Variants in RNF145 observed in about 807,000 individuals in gnomAD.
RNF145 encodes the protein ring finger protein 145.
Under a neutral mutation model 57.3 loss-of-function variants are expected in RNF145, and 12 were observed. The observed-to-expected ratio is 0.21, with a 90% confidence interval of 0.13 to 0.34. The LOEUF (loss-of-function observed/expected upper bound fraction) is 0.34. RNF145 is among the 10% of genes least tolerant of loss of function. RNF145 has a pLI of 1.00. For synonymous variants in RNF145, 262 were observed against 288.3 expected, an observed-to-expected ratio of 0.91 and a Z score of 0.92; for missense variants, 429 against 799.0, an observed-to-expected ratio of 0.54 and a Z score of 5.58.
chr5:159,168,174 A>G (rs1386444262), intron 8 of RNF145, among the ~76,000 whole-genome samples: 1 of 152,214 alleles, frequency 6.6e-6, no homozygotes, highest in Non-Finnish European at 1.5e-5. Context: ...TACCTCAATT[A>G]TCCTGATTTA....
At chr5:159,169,511 T>C (rs1406122494) in intron 7 of RNF145, among the ~76,000 whole-genome samples, 168 bp downstream of exon 7, 2 of 152,210 alleles carry the variant, frequency 1.3e-5, no homozygotes, top group Non-Finnish European at 2.9e-5. Context: ...ATCTTTAACA[T>C]GGAAATGTAT....
chr5:159,203,139 G>A (rs559477099), intron 2 of RNF145, among the ~76,000 whole-genome samples: 7 of 152,200 alleles, frequency 4.6e-5, no homozygotes, highest in African/African-American at 1.7e-4. Context: ...GGGGCCAAAT[G>A]TCTCTAAAAG....
intron 4 of RNF145, among the ~76,000 whole-genome samples, chr5:159,179,699 AT>A (rs1784824538): frequency 6.6e-6 from 1 of 152,122 alleles, no homozygotes; most frequent in Non-Finnish European, 1.5e-5. Flanking sequence ...TATCTTCATT[AT>A]TGAATGTTAC....
At chr5:159,208,905 G>A (rs1785999512) in intron 1 of RNF145, among the ~76,000 whole-genome samples, 2 of 151,748 alleles carry the variant, frequency 1.3e-5, no homozygotes, top group South Asian at 4.2e-4. Context: ...GGAAGAGGAA[G>A]GGATGGGAGG....
At chr5:159,207,397 G>A (rs1785929866) in intron 1 of RNF145, 1 of 887,520 alleles carries the variant, frequency 1.1e-6, no homozygotes, top group Non-Finnish European at 1.7e-6. Flanking sequence ...AGAATGACAC[G>A]TGACCCAACT....
At chr5:159,167,672 T>G (rs1446931213) in intron 8 of RNF145, among the ~76,000 whole-genome samples, 2 of 152,186 alleles carry the variant, frequency 1.3e-5, no homozygotes, top group Non-Finnish European at 2.9e-5. Context: ...GTTCAACATT[T>G]TAAATGCTTC....
rs1355923436 is a variant in RNF145 at position 159,182,893 on chromosome 5, A to C, written c.294-842T>G. Among the ~76,000 whole-genome samples the C allele has an allele frequency of 3.9e-5, 6 of 152,214 alleles. No individual in the cohort carries two copies. In the South Asian group the frequency reaches 1.2e-3, roughly 32 times the overall value. ...TTTTTCAACTTTTAATGCTTTATTC[A>C]TTGTATTTAAAAGAGAACATTTCAA... On this transcript the variant is annotated intron_variant, in intron 3 of 10. Transcript: ENST00000424310.
At chr5:159,205,219 A>G (rs1479065041) in intron 1 of RNF145, among the ~76,000 whole-genome samples, 2 of 152,214 alleles carry the variant, frequency 1.3e-5, no homozygotes, top group Non-Finnish European at 1.5e-5. Context: ...ATTTTTATAG[A>G]TAAGTACTGC....
At chr5:159,180,971 CA>C (rs1784874503) in intron 4 of RNF145, among the ~76,000 whole-genome samples, 1 of 151,890 alleles carries the variant, frequency 6.6e-6, no homozygotes, top group African/African-American at 2.4e-5. Context: ...AAAGACTGCA[CA>C]TTGGGTACAG....
chr5:159,181,032 A>G (rs923908616), intron 4 of RNF145, among the ~76,000 whole-genome samples: 1 of 151,998 alleles, frequency 6.6e-6, no homozygotes, highest in Non-Finnish European at 1.5e-5. Flanking sequence ...AATCACTGCT[A>G]AAGAGCTTGT....
At chr5:159,186,480 C>T (rs1785059564) in intron 3 of RNF145, among the ~76,000 whole-genome samples, 1 of 152,144 alleles carries the variant, frequency 6.6e-6, no homozygotes, top group Non-Finnish European at 1.5e-5. Context: ...ACGTTAATTC[C>T]AAAGAAACCT....
chr5:159,187,849 A>G (rs1785137108), intron 3 of RNF145, among the ~76,000 whole-genome samples: 1 of 152,182 alleles, frequency 6.6e-6, no homozygotes, highest in Non-Finnish European at 1.5e-5. Flanking sequence ...AGCAGCCCCA[A>G]TCTACAACTT....
intron 6 of RNF145, among the ~76,000 whole-genome samples, chr5:159,171,685 G>A (rs1178242386): frequency 6.6e-6 from 1 of 151,924 alleles, no homozygotes; most frequent in Non-Finnish European, 1.5e-5. Context: ...GTGCTTTATT[G>A]TTGGTTGGTG....
intron 6 of RNF145, among the ~76,000 whole-genome samples, chr5:159,171,226 C>T (rs770653566): frequency 1.8e-4 from 27 of 152,154 alleles, no homozygotes; most frequent in Non-Finnish European, 2.9e-4. Flanking sequence ...CATTTTCACA[C>T]TGAAATCATT....
At chr5:159,172,084 C>T (rs1784577843) in intron 6 of RNF145, among the ~76,000 whole-genome samples, 2 of 152,302 alleles carry the variant, frequency 1.3e-5, no homozygotes, top group South Asian at 2.1e-4. Context: ...TGCTTTGCAG[C>T]GGGTAACAAT....
chr5:159,193,334 A>G (rs1421726369), intron 3 of RNF145, among the ~76,000 whole-genome samples: 1 of 152,138 alleles, frequency 6.6e-6, no homozygotes, highest in Non-Finnish European at 1.5e-5. Context: ...GGCAGAAGTT[A>G]AAGAGTAAGA....
At chr5:159,185,140 G>C (rs545517428) in intron 3 of RNF145, among the ~76,000 whole-genome samples, 14 of 152,044 alleles carry the variant, frequency 9.2e-5, no homozygotes, top group Non-Finnish European at 1.5e-4. Flanking sequence ...CCCTTTGCTC[G>C]ATTCCTCTCT....
At position 159,158,420 on chromosome 5, in the gene RNF145, C is replaced by A; in HGVS notation, c.*250G>T. 1 of 438,364 alleles carries A rather than the reference C, an allele frequency of 2.3e-6. No homozygotes were observed. The highest frequency in any genetic ancestry group is 4.1e-6 in the Non-Finnish European group (1 of 245,122). The allele number at this position is 438,364 out of a possible 1,614,324, so 27.2% of individuals were successfully genotyped here. A position where few individuals can be genotyped will look rare whatever the true frequency, so the allele number is the denominator to read the frequency against. On this transcript the variant is annotated 3_prime_UTR_variant, in exon 11 of 11. Transcript: ENST00000424310. ...AGTTGCTGAGGTTGAATTTTCTTCA[C>A]AAACCTCTATAAAACATCAGCAGAG...
chr5:159,208,052 C>T, intron 1 of RNF145: 1 of 1,509,460 alleles, frequency 6.6e-7, no homozygotes, highest in Non-Finnish European at 8.8e-7. Flanking sequence ...TTACTGCAGA[C>T]TGCGACGCAA....
Sources: gnomAD v4.1 joint callset for allele counts (sites outside exome capture counted in the v4.1 genomes callset) on GRCh38, gnomAD v4.1.1 for gene constraint, MANE v1.5 for transcripts, NCBI Gene and HGNC (gene_info 2026-07-23, HGNC 2026-07-21) for gene names.